HACD2: variants seen among roughly 807,000 people sequenced by gnomAD.
HACD2 encodes the protein 3-hydroxyacyl-CoA dehydratase 2.
HACD2 carries 15 observed loss-of-function variants against 31.0 expected under a neutral mutation model. The observed-to-expected ratio is 0.48, with a 90% CI of 0.32 to 0.75. HACD2 has a LOEUF of 0.75. Ranked by LOEUF, HACD2 falls within the 30% of genes least tolerant of loss-of-function variation. The probability of loss-of-function intolerance (pLI) is 0.03; values close to 1 mark genes in which losing one functional copy is unlikely to be tolerated. For synonymous variants in HACD2, 115 were observed against 122.2 expected (o/e 0.94, Z 0.39); for missense variants, 283 against 313.0 (o/e 0.90, Z 0.72).
intron 3 of HACD2, among the ~76,000 whole-genome samples, chr3:123,552,742 TA>T (rs2056632654): frequency 6.6e-6 from 1 of 151,498 alleles, no homozygotes; most frequent in South Asian, 2.1e-4. Flanking sequence ...AGAAATGGAC[TA>T]AAAGTGGGCA....
At chr3:123,499,161 A>G (rs1223914523) in intron 6 of HACD2, 1 of 154,884 alleles carries the variant, frequency 6.5e-6, no homozygotes, top group African/African-American at 2.4e-5. Context: ...GAATTCAAAT[A>G]AAGCCTGTGG....
At chr3:123,571,495 G>A (rs932740687) in intron 2 of HACD2, among the ~76,000 whole-genome samples, 2 of 152,322 alleles carry the variant, frequency 1.3e-5, no homozygotes, top group East Asian at 3.9e-4. Context: ...AGGCCACTCT[G>A]GCTTTGAAGC....
chr3:123,538,743 T>C (rs919133781), intron 3 of HACD2, among the ~76,000 whole-genome samples: 11 of 152,246 alleles, frequency 7.2e-5, no homozygotes, highest in African/African-American at 2.7e-4. Context: ...GATGTGAGTA[T>C]GTGCACCAGA....
At chr3:123,575,498 C>A (rs750513772) in intron 2 of HACD2, among the ~76,000 whole-genome samples, 10 of 152,192 alleles carry the variant, frequency 6.6e-5, no homozygotes, top group Non-Finnish European at 1.3e-4. Flanking sequence ...TTTTGGACAG[C>A]GTTCCAACGT....
intron 6 of HACD2, among the ~76,000 whole-genome samples, chr3:123,497,337 G>C (rs922019222): frequency 1.3e-5 from 2 of 152,198 alleles, no homozygotes; most frequent in Non-Finnish European, 2.9e-5. Flanking sequence ...TGCTGGGCAC[G>C]TGTGTGTGAC....
At chr3:123,564,086 AG>A (rs1268473848) in intron 3 of HACD2, among the ~76,000 whole-genome samples, 1 of 152,248 alleles carries the variant, frequency 6.6e-6, no homozygotes, top group Non-Finnish European at 1.5e-5. Flanking sequence ...ACTATCGACA[AG>A]GTCTCGTCTG....
intron 4 of HACD2, among the ~76,000 whole-genome samples, chr3:123,521,459 G>C (rs1403545969): frequency 6.6e-6 from 1 of 152,138 alleles, no homozygotes; most frequent in East Asian, 1.9e-4. Flanking sequence ...CCTAGGTCAG[G>C]ACCTGGCCCT....
intron 6 of HACD2, among the ~76,000 whole-genome samples, chr3:123,497,711 A>G (rs1367463786): frequency 2.0e-5 from 3 of 152,182 alleles, no homozygotes; most frequent in Admixed American, 2.0e-4. Flanking sequence ...CTAATCCTGT[A>G]TATATTGCAA....
At chr3:123,533,553 A>G (rs982818017) in intron 3 of HACD2, among the ~76,000 whole-genome samples, 11 of 152,246 alleles carry the variant, frequency 7.2e-5, no homozygotes, top group Admixed American at 2.0e-4. Flanking sequence ...AACCAAAACT[A>G]CAGATATTTT....
intron 3 of HACD2, among the ~76,000 whole-genome samples, chr3:123,539,911 TAAAAA>T (rs71142741): frequency 4.1e-5 from 1 of 24,478 alleles, no homozygotes; most frequent in Non-Finnish European, 6.2e-5. Flanking sequence ...TCGTCTCTAC[TAAAAA>T]AAAAAAAAAA....
At chr3:123,509,375 C>G (rs538330197) in intron 4 of HACD2, among the ~76,000 whole-genome samples, 5 of 151,462 alleles carry the variant, frequency 3.3e-5, no homozygotes, top group Non-Finnish European at 7.4e-5. Context: ...TTCTAAAAAA[C>G]AAAACAAACC....
At chr3:123,571,645 T>G (rs2056856863) in intron 2 of HACD2, among the ~76,000 whole-genome samples, 1 of 152,158 alleles carries the variant, frequency 6.6e-6, no homozygotes, top group African/African-American at 2.4e-5. Flanking sequence ...TGAAAGTGGA[T>G]TCTTCCCCTG....
Position 123,493,862 on chromosome 3 carries a change from GTA to G in HACD2, c.*1024_*1025del, listed in dbSNP as rs2055798412. 1.3e-5 allele frequency: 2 copies of G among 152,180 alleles called. No homozygotes were observed. The highest frequency in any genetic ancestry group is 4.8e-5 in the African/African-American group (2 of 41,460). The allele number at this position is 152,180 out of a possible 1,614,324, so 9.4% of individuals were successfully genotyped here. On this transcript the variant is annotated 3_prime_UTR_variant, in exon 7 of 7. Coordinates refer to ENST00000383657, the MANE Select transcript of HACD2 (RefSeq NM_198402.5). ...TAACATAGGAAGTTAATTAGCAAAA[GTA>G]TCCAAACAGAAGAGTGAATGAAAAT...
rs548842510 is a variant in HACD2, at chr3:123,505,447, C to A, written c.382-2766G>T. On this transcript the variant is annotated intron_variant, in intron 4 of 6. Transcript: ENST00000383657. Reference sequence around the variant, plus strand: ...TTACCACAAAAAATAAATGAAAAAACCCCCAAACCCACAGTAACATAAATT... The same window carrying A: ...TTACCACAAAAAATAAATGAAAAAAACCCCAAACCCACAGTAACATAAATT... Among the ~76,000 whole-genome samples the A allele has an allele frequency of 1.4e-4, 22 of 152,228 alleles. 1 individual carries two copies. Among genetic ancestry groups the A allele is most frequent in the Admixed American group, 7.2e-4 (11 of 15,288 alleles).
intron 3 of HACD2, among the ~76,000 whole-genome samples, chr3:123,544,468 T>C (rs1386119644): frequency 2.0e-5 from 3 of 152,208 alleles, no homozygotes; most frequent in Non-Finnish European, 4.4e-5. Context: ...ATATTTCCAT[T>C]GTCATGCCCC....
chr3:123,583,401 TATTA>T (rs1298706003), intron 1 of HACD2, among the ~76,000 whole-genome samples: 4 of 152,212 alleles, frequency 2.6e-5, no homozygotes, highest in African/African-American at 9.7e-5. Context: ...TATATATAAA[TATTA>T]ATACACACAG....
intron 4 of HACD2, among the ~76,000 whole-genome samples, chr3:123,521,479 G>C (rs1419651179): frequency 6.6e-6 from 1 of 152,108 alleles, no homozygotes; most frequent in South Asian, 2.1e-4. Context: ...TTCCTCTCCT[G>C]AATGAGATTT....
chr3:123,496,901 C>T lies in HACD2; in HGVS notation c.683-1931G>A, dbSNP rs140635558. 5.3e-3 allele frequency among the ~76,000 whole-genome samples: 802 copies of T among 152,270 alleles called. 9 individuals carry two copies. The highest frequency in any genetic ancestry group is 0.019 in the African/African-American group (777 of 41,552). On this transcript the variant is annotated intron_variant, in intron 6 of 6. Transcript: ENST00000383657. ...ATGACCTGGAAGTCATGCATTAAGC[C>T]CTTGGTGGCAGTTCAAGGAAGAAGA...
chr3:123,549,179 T>C (rs1191440056), intron 3 of HACD2, among the ~76,000 whole-genome samples: 1 of 151,928 alleles, frequency 6.6e-6, no homozygotes, highest in Non-Finnish European at 1.5e-5. Context: ...TTGTCACATA[T>C]TCGCTTAAGT....
Sources: gnomAD v4.1 joint callset for allele counts (sites outside exome capture counted in the v4.1 genomes callset) on GRCh38, gnomAD v4.1.1 for gene constraint, MANE v1.5 for transcripts, NCBI Gene and HGNC (gene_info 2026-07-23, HGNC 2026-07-21) for gene names.